Variants in VGLL4 observed in about 807,000 individuals in gnomAD.
The protein encoded by VGLL4 is vestigial like family member 4.
A neutral mutation model predicts 21.0 loss-of-function variants in VGLL4; 7 were observed. That is an observed-to-expected ratio of 0.33 (90% CI 0.19 to 0.63). The LOEUF is 0.63. Ranked by LOEUF, VGLL4 falls within the 20% of genes least tolerant of loss-of-function variation. VGLL4 has a pLI of 0.78. For synonymous variants in VGLL4, 222 were observed against 173.2 expected, an observed-to-expected ratio of 1.28 and a Z score of -2.21; for missense variants, 394 against 425.7, an observed-to-expected ratio of 0.93 and a Z score of 0.66.
chr3:11,667,655 C>T (rs1183838181), intron 2 of VGLL4, among the ~76,000 whole-genome samples: 3 of 151,968 alleles, frequency 2.0e-5, no homozygotes, highest in Non-Finnish European at 4.4e-5. Flanking sequence ...TGTAGAAGAC[C>T]ATGGAAAGCG....
chr3:11,665,692 C>T (rs907742861), intron 2 of VGLL4, among the ~76,000 whole-genome samples: 1 of 152,274 alleles, frequency 6.6e-6, no homozygotes, highest in Non-Finnish European at 1.5e-5. Flanking sequence ...AGCACTCATT[C>T]ATTCAGCATA....
chr3:11,680,560 A>G (rs923311183), intron 2 of VGLL4, among the ~76,000 whole-genome samples: 1 of 152,220 alleles, frequency 6.6e-6, no homozygotes, highest in Non-Finnish European at 1.5e-5. Flanking sequence ...AATCCCAGGA[A>G]GACAGCGGGA....
At chr3:11,695,260 G>A (rs1378993746) in intron 2 of VGLL4, among the ~76,000 whole-genome samples, 1 of 151,882 alleles carries the variant, frequency 6.6e-6, no homozygotes, top group East Asian at 1.9e-4. Flanking sequence ...ATCTTGGCCA[G>A]GCTGGTCTCA....
At chr3:11,671,377 AC>A in intron 2 of VGLL4, 1 of 1,011,530 alleles carries the variant, frequency 9.9e-7, no homozygotes, top group Non-Finnish European at 1.6e-6. Context: ...TGCATTTCTA[AC>A]AAGTTCCCAG....
intron 2 of VGLL4, among the ~76,000 whole-genome samples, chr3:11,587,624 G>A (rs2074390653): frequency 6.6e-6 from 1 of 152,254 alleles, no homozygotes; most frequent in Admixed American, 6.5e-5. Flanking sequence ...CTTGGGCCGA[G>A]ATGTGTTTGC....
At chr3:11,654,623 T>C (rs1333785437) in intron 2 of VGLL4, among the ~76,000 whole-genome samples, 2 of 152,256 alleles carry the variant, frequency 1.3e-5, no homozygotes, top group Middle Eastern at 6.3e-3. Context: ...ATTATTAACC[T>C]GCACCTGTAA....
chr3:11,707,238 G>A lies in VGLL4; in HGVS notation c.-13-4191C>T, dbSNP rs144697685. ...AGCTACTCAGGGAGCTGAGGTGGGA[G>A]GATCACTTGACCATGGAGGGTTGAG... On this transcript the variant is annotated intron_variant, in intron 1 of 5. Coordinates refer to the VGLL4 transcript ENST00000273038. 4.1e-3 allele frequency among the ~76,000 whole-genome samples: 610 copies of A among 150,456 alleles called. 3 individuals are homozygous for A. Among genetic ancestry groups the A allele is most frequent in the Non-Finnish European group, 5.6e-3 (381 of 67,834 alleles).
chr3:11,705,482 T>C (rs1423377666), intron 1 of VGLL4, among the ~76,000 whole-genome samples: 1 of 152,182 alleles, frequency 6.6e-6, no homozygotes, highest in African/African-American at 2.4e-5. Flanking sequence ...AGCAGCGGTC[T>C]AAGAGGGAAA....
intron 2 of VGLL4, among the ~76,000 whole-genome samples, chr3:11,661,919 G>A (rs779124960): frequency 6.6e-6 from 1 of 152,172 alleles, no homozygotes; most frequent in Non-Finnish European, 1.5e-5. Context: ...AGGCAATCCC[G>A]GAAACGGATG....
chr3:11,681,081 T>C (rs547657811), intron 2 of VGLL4, among the ~76,000 whole-genome samples: 14 of 152,036 alleles, frequency 9.2e-5, no homozygotes, highest in Non-Finnish European at 1.6e-4. Flanking sequence ...ACATTCCAAA[T>C]CATATTTCTT....
At chr3:11,615,605 G>A (rs1323638586) in intron 1 of VGLL4, among the ~76,000 whole-genome samples, 1 of 152,056 alleles carries the variant, frequency 6.6e-6, no homozygotes, top group Admixed American at 6.5e-5. Flanking sequence ...ATAGTTTGGG[G>A]GTGTGAATCC....
At chr3:11,680,781 C>G (rs1575525580) in intron 2 of VGLL4, among the ~76,000 whole-genome samples, 1 of 152,218 alleles carries the variant, frequency 6.6e-6, no homozygotes, top group Non-Finnish European at 1.5e-5. Context: ...TCTCTGCCAC[C>G]GACTTGCTGT....
chr3:11,625,051 T>C (rs2075327662), intron 1 of VGLL4, among the ~76,000 whole-genome samples: 2 of 152,200 alleles, frequency 1.3e-5, no homozygotes, highest in Admixed American at 6.5e-5. Context: ...ATTTACAAAA[T>C]ATTTGCAAAA....
At chr3:11,562,805 C>T (rs1171973560) in intron 3 of VGLL4, among the ~76,000 whole-genome samples, 1 of 152,272 alleles carries the variant, frequency 6.6e-6, no homozygotes, top group Non-Finnish European at 1.5e-5. Context: ...AAATGGGCAG[C>T]TTGGGGTACC....
At chr3:11,651,070 A>G (rs1199949965) in intron 2 of VGLL4, among the ~76,000 whole-genome samples, 1 of 152,196 alleles carries the variant, frequency 6.6e-6, no homozygotes, top group East Asian at 1.9e-4. Context: ...TTAAGGGACC[A>G]GGCGCGGTGG....
chr3:11,582,620 CCT>C (rs1275047241), intron 2 of VGLL4, among the ~76,000 whole-genome samples: 4 of 152,174 alleles, frequency 2.6e-5, no homozygotes, highest in African/African-American at 9.7e-5. Flanking sequence ...CACGCGATTT[CCT>C]CTTTCTTTGT....
intron 1 of VGLL4, among the ~76,000 whole-genome samples, chr3:11,631,061 A>C (rs1199125358): frequency 1.3e-5 from 2 of 152,190 alleles, no homozygotes; most frequent in Non-Finnish European, 2.9e-5. Context: ...CCAAAGAACA[A>C]ACTACTCCAG....
At chr3:11,697,779 T>C (rs1488137288) in intron 2 of VGLL4, among the ~76,000 whole-genome samples, 1 of 152,228 alleles carries the variant, frequency 6.6e-6, no homozygotes, top group Non-Finnish European at 1.5e-5. Flanking sequence ...TTCTTAGGAA[T>C]GCTTACTTGA....
At chr3:11,602,447 G>GT (rs1048505108) in intron 1 of VGLL4, among the ~76,000 whole-genome samples, 52 of 148,084 alleles carry the variant, frequency 3.5e-4, no homozygotes, top group Admixed American at 5.4e-4. Flanking sequence ...TGCTTGTTCT[G>GT]TTTTTTTTTT....
Sources: gnomAD v4.1 joint callset for allele counts (sites outside exome capture counted in the v4.1 genomes callset) on GRCh38, gnomAD v4.1.1 for gene constraint, MANE v1.5 for transcripts, NCBI Gene and HGNC (gene_info 2026-07-23, HGNC 2026-07-21) for gene names.